The following ARHGEF10L variants were observed in gnomAD, a reference collection of about 807,000 sequenced individuals.
The protein encoded by ARHGEF10L is rho guanine nucleotide exchange factor 10-like protein.
Under a neutral mutation model 141.2 loss-of-function variants are expected in ARHGEF10L, and 69 were observed. That is an observed-to-expected ratio of 0.49 (90% CI 0.40 to 0.60). The LOEUF (loss-of-function observed/expected upper bound fraction) is 0.60, where lower values mean the gene tolerates loss of function less well. Among genes scored for constraint, ARHGEF10L ranks in the 20% least tolerant of loss-of-function variants. The pLI is 0.00. For synonymous variants in ARHGEF10L, 711 were observed against 718.5 expected (o/e 0.99, Z 0.17); for missense variants, 1,482 against 1,734.3 (o/e 0.85, Z 2.58).
At chr1:17,664,125 A>ACTCC in intron 25 of ARHGEF10L, among the ~76,000 whole-genome samples, 1 of 152,092 alleles carries the variant, frequency 6.6e-6, no homozygotes, top group African/African-American at 2.4e-5. Context: ...TGGGTGGAGT[A>ACTCC]GGTGCTTACT....
chr1:17,541,117 G>A (rs113716485), intron 1 of ARHGEF10L, among the ~76,000 whole-genome samples: 18 of 152,266 alleles, frequency 1.2e-4, no homozygotes, highest in South Asian at 4.2e-4. Context: ...TCTGATGCTC[G>A]CTCTGTCCCC....
At chr1:17,676,418 AGGTGCAGGCATG>A (rs1311774410) in intron 26 of ARHGEF10L, among the ~76,000 whole-genome samples, 3 of 134,350 alleles carry the variant, frequency 2.2e-5, no homozygotes, top group Non-Finnish European at 1.6e-5. Context: ...GTTCATGTGT[AGGTGCAGGCATG>A]GGTGCAGGTG....
chr1:17,586,348 T>C (rs147703072), intron 2 of ARHGEF10L, among the ~76,000 whole-genome samples: 1 of 152,336 alleles, frequency 6.6e-6, no homozygotes, highest in Non-Finnish European at 1.5e-5. Flanking sequence ...GCAGAGCTCA[T>C]GCCTAAGCTG....
chr1:17,526,608 A>C, the ARHGEF10L span, among the ~76,000 whole-genome samples: 3 of 152,184 alleles, frequency 2.0e-5, no homozygotes, highest in African/African-American at 7.2e-5. Flanking sequence ...TGTTTCTGAC[A>C]AAGAGACAAG....
intron 1 of ARHGEF10L, among the ~76,000 whole-genome samples, chr1:17,548,789 C>T (rs2077008080): frequency 6.7e-6 from 1 of 149,176 alleles, no homozygotes; most frequent in Non-Finnish European, 1.5e-5. Context: ...GATGGGATTA[C>T]AGGTGCGCAC....
rs774834374 is a variant in ARHGEF10L, at chr1:17,656,716, C to T, written c.2860+8C>T. On this transcript the variant is annotated splice_region_variant and intron_variant, in intron 25 of 28. Coordinates refer to ENST00000361221, the MANE Select transcript of ARHGEF10L (RefSeq NM_018125.4). The surrounding 1 kb of genome is among the most constrained non-coding windows in gnomAD (Gnocchi z 4.9). ...CTTACCCTCGGACCAGCGGTGAGGA[C>T]TGGGGGGAATGGGGGAAGGGGGGCA... is the stretch of plus-strand genomic sequence containing the variant. 2 of 1,608,378 alleles carry T rather than the reference C, an allele frequency of 1.2e-6. No homozygotes were observed. The highest frequency in any genetic ancestry group is 2.2e-5 in the South Asian group (2 of 90,488).
chr1:17,685,353 G>A (rs2064481676), intron 26 of ARHGEF10L, among the ~76,000 whole-genome samples: 1 of 152,182 alleles, frequency 6.6e-6, no homozygotes, highest in Non-Finnish European at 1.5e-5. Flanking sequence ...CTGTCCCATT[G>A]CTGTGCCCCC....
In ARHGEF10L at chr1:17,627,296, G is replaced by T. The variant is rs1244012830; in HGVS notation, c.1411-34G>T. 3 of 1,603,436 alleles carry T rather than the reference G, an allele frequency of 1.9e-6. No individual in the cohort carries two copies. The highest frequency in any genetic ancestry group is 1.3e-5 in the African/African-American group (1 of 74,914). Reference sequence around the variant, plus strand: ...CCAGGCTGGGGTAGAGTTGGTCATGGGTGGGCTGCTCAGTCTCTGCTCTGA... The same window carrying T: ...CCAGGCTGGGGTAGAGTTGGTCATGTGTGGGCTGCTCAGTCTCTGCTCTGA... On this transcript the variant is annotated intron_variant, in intron 14 of 28. Transcript: ENST00000361221. The surrounding 1 kb of genome is among the most constrained non-coding windows in gnomAD (Gnocchi z 4.0).
intron 26 of ARHGEF10L, among the ~76,000 whole-genome samples, chr1:17,670,410 T>G (rs532726139): frequency 6.6e-6 from 1 of 152,348 alleles, no homozygotes; most frequent in East Asian, 1.9e-4. Flanking sequence ...GTCCTCCGCG[T>G]TCATGATCTA....
chr1:17,616,256 G>A (rs971352566), intron 9 of ARHGEF10L, 54 bp downstream of exon 9: 1 of 1,342,440 alleles, frequency 7.4e-7, no homozygotes. Flanking sequence ...CTGGGGGTCG[G>A]GGAGGGTGGG....
chr1:17,536,203 G>A (rs1341285343), upstream of ARHGEF10L, among the ~76,000 whole-genome samples: 1 of 152,212 alleles, frequency 6.6e-6, no homozygotes, highest in Non-Finnish European at 1.5e-5. Context: ...GCTGGGGCAG[G>A]GCACAATGGC....
Position 17,623,692 on chromosome 1 carries a change from G to A in ARHGEF10L, c.1200+517G>A, listed in dbSNP as rs2060228516. ...CCCAGGCTTGCCATCTGTGGAATGA[G>A]GGGTGCACTGGATTTCTGGCTTTTC... On this transcript the variant is annotated intron_variant, in intron 12 of 28. Coordinates refer to ENST00000361221, the MANE Select transcript of ARHGEF10L (RefSeq NM_018125.4). The surrounding 1 kb of genome is among the most constrained non-coding windows in gnomAD (Gnocchi z 4.7). 6.6e-6 allele frequency among the ~76,000 whole-genome samples: 1 copy of A among 152,326 alleles called. No homozygotes were observed. Among genetic ancestry groups the A allele is most frequent in the East Asian group, 1.9e-4 (1 of 5,170 alleles).
At chr1:17,609,891 A>T (rs1478171178) in intron 7 of ARHGEF10L, among the ~76,000 whole-genome samples, 1 of 151,936 alleles carries the variant, frequency 6.6e-6, no homozygotes, top group East Asian at 1.9e-4. Context: ...TTGGTTATGA[A>T]GCCCCCACTC....
intron 28 of ARHGEF10L, 87 bp downstream of exon 28, chr1:17,695,367 C>T (rs1268636957): frequency 6.7e-7 from 1 of 1,496,150 alleles, no homozygotes; most frequent in Non-Finnish European, 8.9e-7. Flanking sequence ...GTATTATGCC[C>T]TCATTGGTAT....
intron 4 of ARHGEF10L, among the ~76,000 whole-genome samples, chr1:17,593,251 C>T (rs886172140): frequency 1.3e-5 from 2 of 152,232 alleles, no homozygotes; most frequent in African/African-American, 4.8e-5. Context: ...ACAATACTAA[C>T]AGCCTACACG....
At chr1:17,532,005 A>C in the ARHGEF10L span, among the ~76,000 whole-genome samples, 4 of 152,006 alleles carry the variant, frequency 2.6e-5, no homozygotes, top group African/African-American at 9.7e-5. Context: ...AGCACCCCCC[A>C]CCACCACCCA....
At chr1:17,646,812 G>A (rs1376713091) in intron 21 of ARHGEF10L, among the ~76,000 whole-genome samples, 4 of 152,086 alleles carry the variant, frequency 2.6e-5, no homozygotes, top group African/African-American at 7.2e-5. Context: ...CGGCGAGGTT[G>A]CTGAGCACAG....
In ARHGEF10L at chr1:17,632,340, G is replaced by A. The variant is rs200941290; in HGVS notation, c.1604G>A (p.Arg535Gln). Reference protein sequence around the residue: ...SLNKLLTSGQRQLLLCETLTE... With the variant: ...SLNKLLTSGQQQLLLCETLTE... Reference sequence around the variant, plus strand: ...CTCCAGCTGTTGACCTCAGGCCAGCGGCAGCTGCTCCTGTGTGAGACGTTG... The same window carrying A: ...CTCCAGCTGTTGACCTCAGGCCAGCAGCAGCTGCTCCTGTGTGAGACGTTG... Residue 535 changes from arginine to glutamine, a missense_variant, in exon 16 of 29, where the codon CGG (arginine) becomes CAG (glutamine). Arg to Gln is a conservative substitution (Grantham distance 43). Around this residue, in one of 3 missense-constraint regions of ARHGEF10L, gnomAD observed 392 missense variants for 542.1 expected, o/e 0.72. Coordinates refer to ENST00000361221, the MANE Select transcript of ARHGEF10L (RefSeq NM_018125.4). 1.2e-5 allele frequency: 20 copies of A among 1,614,058 alleles called. No homozygotes were observed. Among genetic ancestry groups the A allele is most frequent in the African/African-American group, 8.0e-5 (6 of 75,054 alleles).
intron 27 of ARHGEF10L, among the ~76,000 whole-genome samples, chr1:17,689,024 C>T (rs1438183111): frequency 6.6e-6 from 1 of 152,086 alleles, no homozygotes; most frequent in African/African-American, 2.4e-5. Flanking sequence ...GATCTCATTT[C>T]ACCCTAACCC....
Sources: gnomAD v4.1 joint callset for allele counts (sites outside exome capture counted in the v4.1 genomes callset) on GRCh38, gnomAD v4.1.1 for gene constraint, gnomAD v4.1.1 regional missense constraint, Gnocchi (gnomAD v3.1) non-coding constraint, MANE v1.5 for transcripts, NCBI Gene and HGNC (gene_info 2026-07-23, HGNC 2026-07-21) for gene names.